Variants in GALK2 observed in about 807,000 individuals in gnomAD.
GALK2 encodes N-acetylgalactosamine kinase.
In GALK2, 36 loss-of-function variants were observed where a neutral mutation model predicts 52.4. That is an observed-to-expected ratio of 0.69 (90% CI 0.53 to 0.91). GALK2 has a LOEUF of 0.91. Among genes scored for constraint, GALK2 ranks in the 40% least tolerant of loss-of-function variants. The probability of loss-of-function intolerance (pLI) is 0.00; values close to 1 mark genes in which losing one functional copy is unlikely to be tolerated. For missense variants in GALK2, 579 were observed against 559.1 expected, an observed-to-expected ratio of 1.04 and a Z score of -0.36; for synonymous variants, 176 against 199.1, an observed-to-expected ratio of 0.88 and a Z score of 0.98.
At position 49,213,227 on chromosome 15, in the gene GALK2, C is replaced by G. The variant is rs374512328; in HGVS notation, c.143-3963C>G. 3.3e-5 allele frequency among the ~76,000 whole-genome samples: 5 copies of G among 152,298 alleles called. No individual in the cohort carries two copies. The East Asian group carries it at 9.6e-4, about 29-fold the overall frequency. On this transcript the variant is annotated intron_variant, in intron 2 of 9. Coordinates refer to ENST00000560031, the MANE Select transcript of GALK2 (RefSeq NM_002044.4). ...TTATATCCTGTTGCTGAACTGACTC[C>G]TTTGACATTATATAATGACCTTCGT...
At chr15:49,179,815 A>G (rs1254135397) in intron 1 of GALK2, among the ~76,000 whole-genome samples, 2 of 152,038 alleles carry the variant, frequency 1.3e-5, no homozygotes, top group Non-Finnish European at 2.9e-5. Flanking sequence ...TTTGGGGGGC[A>G]TACTTTCAGT....
At chr15:49,198,309 A>G (rs2087422415) in intron 1 of GALK2, among the ~76,000 whole-genome samples, 1 of 152,214 alleles carries the variant, frequency 6.6e-6, no homozygotes, top group Admixed American at 6.5e-5. Flanking sequence ...TCACCTGCAC[A>G]GACTGGAAAT....
intron 2 of GALK2, among the ~76,000 whole-genome samples, chr15:49,206,616 G>A (rs139971747): frequency 7.2e-5 from 11 of 151,898 alleles, no homozygotes; most frequent in African/African-American, 2.4e-4. Context: ...TTGTAAAAGG[G>A]GTTGAGTTCT....
chr15:49,357,552 T>G (rs1213695027), intron 3 of GALK2, among the ~76,000 whole-genome samples: 1 of 151,760 alleles, frequency 6.6e-6, no homozygotes. Context: ...AAGTTGAATC[T>G]CTGAACAGAC....
In GALK2 at chr15:49,328,557, T is replaced by C; in HGVS notation, c.*398T>C. 6.2e-7 allele frequency: 1 copy of C among 1,606,212 alleles called. No homozygotes were observed. On this transcript the variant is annotated 3_prime_UTR_variant, in exon 10 of 10. Transcript: ENST00000560031. Reference sequence around the variant, plus strand: ...GCATTATTCTTGAATAGAGTTCATTTCTGGTTTCTCTTAGTATTCTTCTTC... The same window carrying C: ...GCATTATTCTTGAATAGAGTTCATTCCTGGTTTCTCTTAGTATTCTTCTTC...
At chr15:49,311,610 A>G (rs1257438980) in intron 8 of GALK2, among the ~76,000 whole-genome samples, 2 of 152,142 alleles carry the variant, frequency 1.3e-5, no homozygotes, top group Non-Finnish European at 2.9e-5. Context: ...CTACTCATCT[A>G]TTTAGACTTC....
chr15:49,239,298 C>T lies in GALK2; in HGVS notation c.435C>T (p.Ser145=). Residue 145 remains serine, a synonymous_variant, in exon 5 of 10, where the codon TCC becomes TCT. Coordinates refer to ENST00000560031, the MANE Select transcript of GALK2 (RefSeq NM_002044.4). ...ATATCCCACCAAGTTCTGGCCTCTCCAGCTCCAGTGCTTTGGTCTGTTGTG... is the reference window on the plus strand; with the variant it reads ...ATATCCCACCAAGTTCTGGCCTCTCTAGCTCCAGTGCTTTGGTCTGTTGTG... ...DGNIPPSSGL[S]SSSALVCCAG... 1 of 1,614,130 alleles carries T rather than the reference C, an allele frequency of 6.2e-7. No individual in the cohort carries two copies. The highest frequency in any genetic ancestry group is 8.5e-7 in the Non-Finnish European group (1 of 1,180,000).
At chr15:49,160,294 T>G (rs1354193715) in intron 1 of GALK2, among the ~76,000 whole-genome samples, 1 of 151,900 alleles carries the variant, frequency 6.6e-6, no homozygotes, top group African/African-American at 2.4e-5. Context: ...AAAAAAAGAT[T>G]AATAATAATT....
chr15:49,157,523 T>C (rs1262307707), intron 1 of GALK2, among the ~76,000 whole-genome samples: 1 of 152,298 alleles, frequency 6.6e-6, no homozygotes, highest in South Asian at 2.1e-4. Context: ...CTTTGACAAA[T>C]AGTTAAGTCC....
chr15:49,293,825 T>C (rs2034178710), intron 8 of GALK2, among the ~76,000 whole-genome samples: 1 of 151,972 alleles, frequency 6.6e-6, no homozygotes. Context: ...TAAGGCCGGG[T>C]GCAGGGGCTC....
chr15:49,245,327 C>T (rs74502167), intron 5 of GALK2, among the ~76,000 whole-genome samples: 4,100 of 152,276 alleles, frequency 0.027, 80 homozygotes, highest in Admixed American at 0.046. Flanking sequence ...ATAGGGATGA[C>T]AGAGTGAGCT....
At chr15:49,303,553 G>A (rs982769982) in intron 8 of GALK2, among the ~76,000 whole-genome samples, 8 of 152,194 alleles carry the variant, frequency 5.3e-5, no homozygotes, top group Admixed American at 2.6e-4. Flanking sequence ...GACCTTTGAA[G>A]CATGAAAAAT....
At chr15:49,299,666 G>C (rs1474346350) in intron 8 of GALK2, among the ~76,000 whole-genome samples, 3 of 151,756 alleles carry the variant, frequency 2.0e-5, no homozygotes, top group Non-Finnish European at 4.4e-5. Flanking sequence ...AAGTTGTTTA[G>C]TTTTCATGGG....
chr15:49,329,800 T>C lies in GALK2; in HGVS notation c.*1641T>C. 1 of 806,798 alleles carries C rather than the reference T, an allele frequency of 1.2e-6. No individual in the cohort carries two copies. The highest frequency in any genetic ancestry group is 1.5e-6 in the Non-Finnish European group (1 of 673,512). The allele number at this position is 806,798 out of a possible 1,614,324, so 50.0% of individuals were successfully genotyped here. ...ATATAATTCTTTAAAGATACCTGGATCAGTGTAAAAAAAAAAAAAAAAAGG... is the reference window on the plus strand; with the variant it reads ...ATATAATTCTTTAAAGATACCTGGACCAGTGTAAAAAAAAAAAAAAAAAGG... On this transcript the variant is annotated 3_prime_UTR_variant, in exon 10 of 10. Transcript: ENST00000560031.
intron 5 of GALK2, among the ~76,000 whole-genome samples, chr15:49,264,651 G>C (rs1243154206): frequency 6.6e-6 from 1 of 152,088 alleles, no homozygotes; most frequent in Non-Finnish European, 1.5e-5. Flanking sequence ...GAGGCGCTCT[G>C]CTTTTTAGAG....
intron 3 of GALK2, among the ~76,000 whole-genome samples, chr15:49,345,911 G>A (rs2041409529): frequency 6.6e-6 from 1 of 152,168 alleles, no homozygotes; most frequent in African/African-American, 2.4e-5. Flanking sequence ...GATTGAGTGT[G>A]TGTGAGAGAC....
At chr15:49,204,802 C>G (rs2088125250) in intron 2 of GALK2, among the ~76,000 whole-genome samples, 1 of 152,012 alleles carries the variant, frequency 6.6e-6, no homozygotes, top group Non-Finnish European at 1.5e-5. Flanking sequence ...ACCCATCACC[C>G]AAGCAGCATA....
At position 49,272,171 on chromosome 15, in the gene GALK2, C is replaced by G. The variant is rs142546833; in HGVS notation, c.505-9816C>G. Among the ~76,000 whole-genome samples the G allele has an allele frequency of 8.4e-3, 1,274 of 152,138 alleles. 19 individuals carry two copies. The highest frequency in any genetic ancestry group is 0.064 in the South Asian group (308 of 4,810). On this transcript the variant is annotated intron_variant, in intron 5 of 9. Transcript: ENST00000560031. ...ATCTTATTTTAGGTCAGCTTATTGA[C>G]CTTTTTGAGCCTCAATTTCCTTCTC...
chr15:49,219,227 G>A (rs941184436), intron 3 of GALK2, among the ~76,000 whole-genome samples: 1 of 152,176 alleles, frequency 6.6e-6, no homozygotes, highest in African/African-American at 2.4e-5. Flanking sequence ...CCTGGTAGGA[G>A]GTAATTGAAT....
Sources: gnomAD v4.1 joint callset for allele counts (sites outside exome capture counted in the v4.1 genomes callset) on GRCh38, gnomAD v4.1.1 for gene constraint, MANE v1.5 for transcripts, NCBI Gene and HGNC (gene_info 2026-07-23, HGNC 2026-07-21) for gene names.